The following UBE2F variants were observed in gnomAD, a reference collection of about 807,000 sequenced individuals.
The protein encoded by UBE2F is NEDD8-conjugating enzyme UBE2F.
Under a neutral mutation model 29.6 loss-of-function variants are expected in UBE2F, and 5 were observed. The ratio of observed to expected loss-of-function variants is 0.17; its 90% confidence interval spans 0.09 to 0.36. The LOEUF (loss-of-function observed/expected upper bound fraction) is 0.36, where lower values mean the gene tolerates loss of function less well. Ranked by LOEUF, UBE2F falls within the 10% of genes least tolerant of loss-of-function variation. UBE2F has a pLI of 1.00. For missense variants in UBE2F, 141 were observed against 228.5 expected, an observed-to-expected ratio of 0.62 and a Z score of 2.47; for synonymous variants, 66 against 81.8, an observed-to-expected ratio of 0.81 and a Z score of 1.04.
intron 4 of UBE2F, among the ~76,000 whole-genome samples, chr2:238,010,866 G>C (rs1187079039): frequency 6.6e-6 from 1 of 152,184 alleles, no homozygotes; most frequent in Non-Finnish European, 1.5e-5. Flanking sequence ...ACTTCACACA[G>C]TTGTGCCATC....
intron 2 of UBE2F, chr2:237,986,310 C>T (rs999596207): frequency 5.0e-6 from 1 of 201,184 alleles, no homozygotes; most frequent in South Asian, 5.8e-5. Context: ...CCACCACAAC[C>T]CATTAATTTT....
chr2:238,026,183 C>T (rs2064424349), intron 6 of UBE2F, among the ~76,000 whole-genome samples: 1 of 152,220 alleles, frequency 6.6e-6, no homozygotes, highest in Non-Finnish European at 1.5e-5. Flanking sequence ...CTGCCCGGGG[C>T]AGCTGTGGGA....
chr2:238,020,831 G>A (rs1209991226), intron 5 of UBE2F, among the ~76,000 whole-genome samples: 1 of 152,214 alleles, frequency 6.6e-6, no homozygotes, highest in Non-Finnish European at 1.5e-5. Flanking sequence ...CTCCGTGTCA[G>A]ACACTGGAGG....
At chr2:237,970,047 T>A (rs2063142365) in intron 1 of UBE2F, among the ~76,000 whole-genome samples, 2 of 152,200 alleles carry the variant, frequency 1.3e-5, no homozygotes, top group Non-Finnish European at 2.9e-5. Flanking sequence ...TTGATCAGTC[T>A]GAAACCATGA....
In UBE2F at chr2:237,967,019, C is replaced by G; in HGVS notation, c.-130C>G. The G allele has an allele frequency of 7.9e-7, 1 of 1,261,322 alleles. No homozygotes were observed. The highest frequency in any genetic ancestry group is 1.0e-6 in the Non-Finnish European group (1 of 994,416). The allele number at this position is 1,261,322 out of a possible 1,614,324, so 78.1% of individuals were successfully genotyped here. On this transcript the variant is annotated 5_prime_UTR_variant, in exon 1 of 10. Transcript: ENST00000272930. This position sits in a 1 kb window ranked among gnomAD's most constrained non-coding sequence, Gnocchi z 6.3. ...GGCCGAGTCCCCGCCCCGCCACTTCCGGTCCCGCCGCCGGGAGCCGGTGCG... is the reference window on the plus strand; with the variant it reads ...GGCCGAGTCCCCGCCCCGCCACTTCGGGTCCCGCCGCCGGGAGCCGGTGCG...
intron 4 of UBE2F, among the ~76,000 whole-genome samples, chr2:238,001,712 T>TG (rs2063797236): frequency 1.3e-5 from 2 of 151,982 alleles, no homozygotes; most frequent in African/African-American, 4.8e-5. Context: ...CCCAGCTACT[T>TG]GGGAGGCTGA....
intron 5 of UBE2F, among the ~76,000 whole-genome samples, chr2:238,023,953 T>C (rs1219255108): frequency 6.6e-6 from 1 of 151,984 alleles, no homozygotes; most frequent in Non-Finnish European, 1.5e-5. Context: ...TAGAGCAGGG[T>C]TGGGAGAAGA....
chr2:237,998,719 T>TTTTAAGACC (rs2063734769), intron 4 of UBE2F, among the ~76,000 whole-genome samples: 2 of 152,120 alleles, frequency 1.3e-5, no homozygotes, highest in African/African-American at 4.8e-5. Context: ...ATGTTTAACC[T>TTTTAAGACC]TTTAAGAAAC....
chr2:237,990,516 C>A (rs1370987383), intron 3 of UBE2F: 1 of 385,766 alleles, frequency 2.6e-6, no homozygotes, highest in East Asian at 9.0e-5. Context: ...GATCTTCCCA[C>A]CTCAGTCTCC....
chr2:238,014,447 G>C, intron 4 of UBE2F, among the ~76,000 whole-genome samples: 1 of 152,202 alleles, frequency 6.6e-6, no homozygotes, highest in Non-Finnish European at 1.5e-5. Context: ...GGAGCAGAGG[G>C]AATAAGGTGA....
intron 4 of UBE2F, among the ~76,000 whole-genome samples, chr2:237,995,430 G>A (rs1315429974): frequency 6.6e-6 from 1 of 152,214 alleles, no homozygotes; most frequent in East Asian, 1.9e-4. Context: ...AGCTCCAAGA[G>A]CTGCAGATTC....
intron 4 of UBE2F, among the ~76,000 whole-genome samples, chr2:238,003,706 A>T (rs2063843494): frequency 6.6e-6 from 1 of 152,158 alleles, no homozygotes; most frequent in Admixed American, 6.5e-5. Context: ...TTCCCGTTCC[A>T]CCTGATGGTG....
chr2:238,002,351 G>A (rs1443454878), intron 4 of UBE2F, among the ~76,000 whole-genome samples: 1 of 152,098 alleles, frequency 6.6e-6, no homozygotes, highest in Non-Finnish European at 1.5e-5. Flanking sequence ...CATGTGCCAT[G>A]CTGGTGCGCT....
intron 2 of UBE2F, among the ~76,000 whole-genome samples, chr2:237,978,244 C>G (rs758123276): frequency 3.3e-5 from 5 of 152,188 alleles, no homozygotes; most frequent in Non-Finnish European, 5.9e-5. Context: ...GCTGCCTGCC[C>G]ACAGCCCTCA....
At chr2:237,981,574 A>G (rs2063375681) in intron 2 of UBE2F, among the ~76,000 whole-genome samples, 1 of 147,616 alleles carries the variant, frequency 6.8e-6, no homozygotes, top group South Asian at 2.1e-4. Context: ...TGCACTGAAC[A>G]TGCAAATGTG....
At chr2:238,035,848 A>G (rs370005889) in intron 8 of UBE2F, 30 bp from the exon 9 acceptor site, 16 of 1,580,614 alleles carry the variant, frequency 1.0e-5, no homozygotes, top group Non-Finnish European at 1.3e-5. Context: ...AGTTCTCCCA[A>G]TGTTTACTTT....
intron 1 of UBE2F, among the ~76,000 whole-genome samples, chr2:237,969,290 T>G (rs373410803): frequency 6.6e-6 from 1 of 151,996 alleles, no homozygotes; most frequent in Non-Finnish European, 1.5e-5. Flanking sequence ...GCGTTAAGCG[T>G]AGCCTGCGGG....
intron 3 of UBE2F, among the ~76,000 whole-genome samples, chr2:237,990,232 A>T (rs926385457): frequency 6.6e-6 from 1 of 151,540 alleles, no homozygotes; most frequent in Non-Finnish European, 1.5e-5. Context: ...GGGGGGCAGG[A>T]TAGACAAGCA....
At chr2:238,007,969 T>C (rs2063942313) in intron 4 of UBE2F, among the ~76,000 whole-genome samples, 1 of 152,154 alleles carries the variant, frequency 6.6e-6, no homozygotes, top group Non-Finnish European at 1.5e-5. Context: ...ATTGATTTTT[T>C]TTTAGACAAG....
Sources: allele counts gnomAD v4.1 joint callset (sites outside exome capture counted in the v4.1 genomes callset), GRCh38; gene constraint gnomAD v4.1.1; non-coding constraint Gnocchi (gnomAD v3.1); transcripts MANE v1.5; gene names NCBI Gene and HGNC (gene_info 2026-07-23, HGNC 2026-07-21).